The following CAGE1 variants were observed in gnomAD, a reference collection of about 807,000 sequenced individuals.
CAGE1 encodes cancer antigen 1.
CAGE1 carries 66 observed loss-of-function variants against 94.9 expected under a neutral mutation model. That is an observed-to-expected ratio of 0.70 (90% CI 0.57 to 0.85). The LOEUF is 0.85. CAGE1 is among the 40% of genes least tolerant of loss of function. The pLI, the probability that CAGE1 is intolerant of heterozygous loss-of-function variation, is 0.00. For synonymous variants in CAGE1, 319 were observed against 321.0 expected (o/e 0.99, Z 0.07); for missense variants, 865 against 950.4 (o/e 0.91, Z 1.18).
chr6:7,372,374 G>A (rs1760565837), intron 5 of CAGE1, among the ~76,000 whole-genome samples: 1 of 151,312 alleles, frequency 6.6e-6, no homozygotes, highest in African/African-American at 2.4e-5. Flanking sequence ...CGGAGGCTGA[G>A]GCAAGATAAT....
intron 10 of CAGE1, among the ~76,000 whole-genome samples, chr6:7,355,801 A>G (rs1759931846): frequency 6.6e-6 from 1 of 152,222 alleles, no homozygotes; most frequent in South Asian, 2.1e-4. Flanking sequence ...CAGGAGGTTG[A>G]GACCAGCCTA....
At chr6:7,358,060 A>G (rs887291181) in intron 9 of CAGE1, among the ~76,000 whole-genome samples, 3 of 106,308 alleles carry the variant, frequency 2.8e-5, no homozygotes, top group Non-Finnish European at 5.6e-5. Flanking sequence ...ATATATATAT[A>G]TATATATATA....
rs761271003 is a variant in CAGE1, at chr6:7,373,694, C to A, written c.1125G>T (p.Lys375Asn). Residue 375 changes from lysine to asparagine, a missense_variant, in exon 5 of 14, where the codon AAG (lysine) becomes AAT (asparagine). By Grantham distance (94) the Lys-to-Asn change is moderately conservative. Transcript: ENST00000502583. ...TCTGCAATGTCTTTTTAGTATCATT[C>A]TTCTCTAGGATTATTTTGTATTTGT... The part of the protein sequence containing the change: ...IEDKYKIILE[K>N]NDTKKTLQNL... The A allele has an allele frequency of 6.2e-7, 1 of 1,612,910 alleles. No homozygotes were observed. Among genetic ancestry groups the A allele is most frequent in the Non-Finnish European group, 8.5e-7 (1 of 1,179,264 alleles).
At chr6:7,375,853 T>C (rs1369818949) in intron 4 of CAGE1, among the ~76,000 whole-genome samples, 2 of 152,352 alleles carry the variant, frequency 1.3e-5, no homozygotes, top group East Asian at 1.9e-4. Flanking sequence ...TGTATCTTAA[T>C]GGTTTTTCAT....
intron 11 of CAGE1, among the ~76,000 whole-genome samples, chr6:7,347,699 A>T (rs946346886): frequency 6.6e-6 from 1 of 152,020 alleles, no homozygotes; most frequent in Non-Finnish European, 1.5e-5. Flanking sequence ...AGCCCTGCTC[A>T]CCCACTGCCT....
intron 10 of CAGE1, among the ~76,000 whole-genome samples, 158 bp from the exon 11 acceptor site, chr6:7,355,269 G>T (rs1009851279): frequency 1.3e-5 from 2 of 152,094 alleles, no homozygotes; most frequent in African/African-American, 4.8e-5. Flanking sequence ...GAACATGAAA[G>T]AAAAGAATGA....
chr6:7,352,306 CA>C (rs796943772), intron 11 of CAGE1, among the ~76,000 whole-genome samples: 3 of 103,966 alleles, frequency 2.9e-5, no homozygotes, highest in African/African-American at 8.7e-5. Flanking sequence ...AAAAAAAAAA[CA>C]AAAAAAAACA....
chr6:7,360,623 A>C (rs1760133073), intron 9 of CAGE1, among the ~76,000 whole-genome samples: 1 of 152,110 alleles, frequency 6.6e-6, no homozygotes, highest in African/African-American at 2.4e-5. Flanking sequence ...CTCTACACAA[A>C]GGTTTTGAGG....
At chr6:7,338,975 A>G in intron 11 of CAGE1, 1 of 1,609,828 alleles carries the variant, frequency 6.2e-7, no homozygotes. Flanking sequence ...TCTTAGGGCC[A>G]ATCTTACCAG....
At chr6:7,341,379 C>G in intron 11 of CAGE1, 1 of 797,488 alleles carries the variant, frequency 1.3e-6, no homozygotes. Flanking sequence ...ACTTTTCATG[C>G]TTAGGACACT....
intron 9 of CAGE1, among the ~76,000 whole-genome samples, chr6:7,357,538 AT>A (rs949867684): frequency 3.9e-5 from 6 of 152,042 alleles, no homozygotes; most frequent in South Asian, 2.1e-4. Flanking sequence ...CTGCAGATGG[AT>A]TTTTTTTTAA....
At chr6:7,357,242 T>C (rs1759988787) in intron 9 of CAGE1, among the ~76,000 whole-genome samples, 1 of 152,242 alleles carries the variant, frequency 6.6e-6, no homozygotes, top group Non-Finnish European at 1.5e-5. Context: ...GTCCCACTTC[T>C]CTAACAACAT....
intron 11 of CAGE1, among the ~76,000 whole-genome samples, chr6:7,345,261 C>T (rs1285999731): frequency 2.0e-5 from 3 of 152,202 alleles, no homozygotes; most frequent in African/African-American, 7.2e-5. Context: ...TCCAGACACG[C>T]TACCTTAAGA....
chr6:7,373,657 C>T lies in CAGE1; in HGVS notation c.1162G>A (p.Val388Ile), dbSNP rs774109668. The T allele has an allele frequency of 3.7e-6, 6 of 1,613,184 alleles. No individual in the cohort carries two copies. In the African/African-American group the frequency reaches 5.3e-5, roughly 14 times the overall value. Residue 388 changes from valine to isoleucine, a missense_variant, in exon 5 of 14, where the codon GTT becomes ATT. Transcript: ENST00000502583. Reference sequence around the variant, plus strand: ...AGATGTTTTTGCGTGTTAGCTAAAACCTCTTCCAAATTCTGCAATGTCTTT... The same window carrying T: ...AGATGTTTTTGCGTGTTAGCTAAAATCTCTTCCAAATTCTGCAATGTCTTT... The part of the protein sequence containing the change: ...TKKTLQNLEE[V>I]LANTQKHLQE...
At chr6:7,360,781 T>TA (rs1760137697) in intron 9 of CAGE1, among the ~76,000 whole-genome samples, 1 of 151,900 alleles carries the variant, frequency 6.6e-6, no homozygotes, top group African/African-American at 2.4e-5. Context: ...CCGTCTCTAC[T>TA]AAAAAATACC....
intron 7 of CAGE1, among the ~76,000 whole-genome samples, chr6:7,368,107 G>T (rs1760412395): frequency 6.6e-6 from 1 of 151,940 alleles, no homozygotes; most frequent in South Asian, 2.1e-4. Flanking sequence ...CAAAAAATTA[G>T]CTGGACGTGG....
intron 3 of CAGE1, 34 bp downstream of exon 3, chr6:7,385,747 TTCTC>T (rs769169270): frequency 2.3e-6 from 3 of 1,307,398 alleles, no homozygotes; most frequent in Non-Finnish European, 3.1e-6. Context: ...AAAAAAAAGT[TTCTC>T]TCTTTTGCAT....
At chr6:7,369,255 G>C (rs553428793) in intron 6 of CAGE1, among the ~76,000 whole-genome samples, 1 of 152,176 alleles carries the variant, frequency 6.6e-6, no homozygotes, top group East Asian at 1.9e-4. Context: ...TGATCTGCCC[G>C]CCTCGGCCTC....
In CAGE1 at chr6:7,387,067, A is replaced by G; in HGVS notation, c.107T>C (p.Met36Thr). ...KVESMSESDT[M>T]NVSNLSQGVM... is the part of the protein sequence containing the mutation. Reference sequence around the variant, plus strand: ...ACCTTGAGAAAGATTGCTGACATTCATGGTATCCGATTCTGACATGCTTTC... The same window carrying G: ...ACCTTGAGAAAGATTGCTGACATTCGTGGTATCCGATTCTGACATGCTTTC... Residue 36 changes from methionine (M) to threonine (T), a missense_variant, in exon 2 of 14, where the codon ATG becomes ACG. Physicochemically the swap from Met to Thr is moderately conservative, Grantham distance 81. Coordinates refer to ENST00000502583, the MANE Select transcript of CAGE1 (RefSeq NM_001170692.2). 1 of 1,551,690 alleles carries G rather than the reference A, an allele frequency of 6.4e-7. No individual in the cohort carries two copies. Among genetic ancestry groups the G allele is most frequent in the South Asian group, 1.2e-5 (1 of 84,062 alleles).
Sources: allele counts gnomAD v4.1 joint callset (sites outside exome capture counted in the v4.1 genomes callset), GRCh38; gene constraint gnomAD v4.1.1; transcripts MANE v1.5; gene names NCBI Gene and HGNC (gene_info 2026-07-23, HGNC 2026-07-21).